CPEB3: variants seen among roughly 807,000 people sequenced by gnomAD.
The protein encoded by CPEB3 is cytoplasmic polyadenylation element binding protein 3, also known as cytoplasmic polyadenylation element-binding protein 3.
A neutral mutation model predicts 67.2 loss-of-function variants in CPEB3; 20 were observed. The observed-to-expected ratio is 0.30, with a 90% CI of 0.21 to 0.43. The LOEUF is 0.43. Among genes scored for constraint, CPEB3 ranks in the 20% least tolerant of loss-of-function variants. The pLI is 1.00. For missense variants in CPEB3, 746 were observed against 968.6 expected (o/e 0.77, Z 3.05); for synonymous variants, 376 against 393.1 (o/e 0.96, Z 0.51).
chr10:92,162,937 T>A (rs369150758), intron 4 of CPEB3, among the ~76,000 whole-genome samples: 1 of 152,132 alleles, frequency 6.6e-6, no homozygotes. Context: ...AGCCCCACAC[T>A]TGCATAGCTT....
At chr10:92,169,483 G>T (rs1023321575) in intron 4 of CPEB3, among the ~76,000 whole-genome samples, 5 of 152,194 alleles carry the variant, frequency 3.3e-5, no homozygotes, top group African/African-American at 1.2e-4. Context: ...GAATACAGTA[G>T]CAGAGCCTTC....
chr10:92,291,128 T>G (rs1842848301), upstream of CPEB3: 1 of 373,856 alleles, frequency 2.7e-6, no homozygotes, highest in Non-Finnish European at 4.9e-6. Flanking sequence ...TGGGCCGCCC[T>G]GCGTCGTAAC....
chr10:92,096,393 C>T (rs1300637821), intron 7 of CPEB3, among the ~76,000 whole-genome samples: 4 of 152,016 alleles, frequency 2.6e-5, no homozygotes, highest in African/African-American at 9.7e-5. Flanking sequence ...TAGAACCAAT[C>T]CCTTATGCAA....
At chr10:92,127,185 C>T (rs568799638) in intron 6 of CPEB3, among the ~76,000 whole-genome samples, 2 of 152,192 alleles carry the variant, frequency 1.3e-5, no homozygotes, top group African/African-American at 4.8e-5. Flanking sequence ...CGGTGACTTA[C>T]ATCTGTAATC....
intron 7 of CPEB3, among the ~76,000 whole-genome samples, chr10:92,109,418 A>AT (rs1182064069): frequency 2.0e-5 from 3 of 151,848 alleles, no homozygotes; most frequent in African/African-American, 2.4e-5. Flanking sequence ...ACCCCCAGCT[A>AT]TTTTTTTGTA....
At chr10:92,245,999 T>C (rs1438247008) in intron 1 of CPEB3, among the ~76,000 whole-genome samples, 9 of 147,174 alleles carry the variant, frequency 6.1e-5, no homozygotes, top group East Asian at 4.1e-4. Flanking sequence ...GACCGCACCA[T>C]TGCACTCCAG....
At chr10:92,075,549 G>A (rs1213061338) in intron 9 of CPEB3, among the ~76,000 whole-genome samples, 1 of 152,092 alleles carries the variant, frequency 6.6e-6, no homozygotes, top group Non-Finnish European at 1.5e-5. Flanking sequence ...TATGTGAATA[G>A]CATAAAACAG....
At chr10:92,098,227 C>T (rs1477007062) in intron 7 of CPEB3, among the ~76,000 whole-genome samples, 2 of 134,490 alleles carry the variant, frequency 1.5e-5, no homozygotes, top group Non-Finnish European at 3.1e-5. Context: ...TAACTCACAG[C>T]ATTTCTAAAA....
intron 4 of CPEB3, among the ~76,000 whole-genome samples, chr10:92,171,367 C>T (rs953256912): frequency 2.6e-5 from 4 of 152,158 alleles, no homozygotes; most frequent in Non-Finnish European, 5.9e-5. Flanking sequence ...CTACTTGATT[C>T]GTTCATCCTC....
At chr10:92,278,459 C>G (rs186109767) in intron 1 of CPEB3, among the ~76,000 whole-genome samples, 1 of 152,118 alleles carries the variant, frequency 6.6e-6, no homozygotes, top group Admixed American at 6.6e-5. Context: ...TATTCCTAAA[C>G]ATTTTATTCT....
At chr10:92,211,393 T>C (rs1032757150) in intron 2 of CPEB3, among the ~76,000 whole-genome samples, 1 of 152,124 alleles carries the variant, frequency 6.6e-6, no homozygotes, top group Admixed American at 6.6e-5. Context: ...GATTTATGCA[T>C]GAAAGTGAGA....
At chr10:92,220,175 C>T (rs1384701392) in intron 2 of CPEB3, among the ~76,000 whole-genome samples, 25 of 152,014 alleles carry the variant, frequency 1.6e-4, no homozygotes. Context: ...ATCTCCCACC[C>T]AGCCCCAAAT....
chr10:92,180,364 T>C (rs972167434), intron 4 of CPEB3, among the ~76,000 whole-genome samples: 1 of 152,234 alleles, frequency 6.6e-6, no homozygotes, highest in Non-Finnish European at 1.5e-5. Flanking sequence ...AATTCTGAGT[T>C]ATGTATAAAT....
At chr10:92,149,850 T>C (rs1220814687) in intron 4 of CPEB3, among the ~76,000 whole-genome samples, 1 of 152,216 alleles carries the variant, frequency 6.6e-6, no homozygotes, top group Non-Finnish European at 1.5e-5. Context: ...ATTTCCCCAG[T>C]GATTCCTATG....
At chr10:92,074,813 T>C (rs964336552) in intron 9 of CPEB3, among the ~76,000 whole-genome samples, 5 of 152,174 alleles carry the variant, frequency 3.3e-5, no homozygotes, top group African/African-American at 1.2e-4. Context: ...CTCGCTCTCG[T>C]TGCTGTGTAA....
intron 4 of CPEB3, among the ~76,000 whole-genome samples, chr10:92,159,680 A>C (rs934587694): frequency 5.9e-5 from 9 of 152,166 alleles, no homozygotes; most frequent in Admixed American, 1.3e-4. Flanking sequence ...TCAAAAAAAA[A>C]CAGAAAACAA....
Position 92,239,076 on chromosome 10 carries a change from C to A in CPEB3, c.1005+270G>T, listed in dbSNP as rs1381536597. ...TCAAAGGAAGTCAAAATAAGAGGTA[C>A]AAACACCATGAAGGAGAAAATAAAC... is the stretch of plus-strand genomic sequence containing the variant. On this transcript the variant is annotated intron_variant, in intron 2 of 9. Transcript: ENST00000265997. The surrounding 1 kb of genome is among the most constrained non-coding windows in gnomAD (Gnocchi z 6.0). 6.6e-6 allele frequency among the ~76,000 whole-genome samples: 1 copy of A among 152,136 alleles called. No homozygotes were observed. The highest frequency in any genetic ancestry group is 1.5e-5 in the Non-Finnish European group (1 of 68,032).
At chr10:92,195,870 G>A (rs1380914770) in intron 2 of CPEB3, among the ~76,000 whole-genome samples, 1 of 152,128 alleles carries the variant, frequency 6.6e-6, no homozygotes, top group South Asian at 2.1e-4. Flanking sequence ...TCTGGCCAAA[G>A]AAATTATTTA....
chr10:92,166,249 C>T (rs754350253), intron 4 of CPEB3, among the ~76,000 whole-genome samples: 11 of 151,986 alleles, frequency 7.2e-5, no homozygotes, highest in South Asian at 2.1e-4. Flanking sequence ...GCTGGGATTA[C>T]AGGCGTGCAC....
Sources: allele counts gnomAD v4.1 joint callset (sites outside exome capture counted in the v4.1 genomes callset), GRCh38; gene constraint gnomAD v4.1.1; non-coding constraint Gnocchi (gnomAD v3.1); transcripts MANE v1.5; gene names NCBI Gene and HGNC (gene_info 2026-07-23, HGNC 2026-07-21).